Variants in EPHA4 observed in about 807,000 individuals in gnomAD.
EPHA4 encodes the protein EPH receptor A4.
A neutral mutation model predicts 108.3 loss-of-function variants in EPHA4; 19 were observed. The observed-to-expected ratio is 0.18, with a 90% CI of 0.12 to 0.26. EPHA4 has a LOEUF of 0.26. Among genes scored for constraint, EPHA4 ranks in the 10% least tolerant of loss-of-function variants. The pLI is 1.00. For missense variants in EPHA4, 917 were observed against 1,254.0 expected, an observed-to-expected ratio of 0.73 and a Z score of 4.06; for synonymous variants, 449 against 455.5, an observed-to-expected ratio of 0.99 and a Z score of 0.18.
chr2:221,568,602 C>A, intron 2 of EPHA4, 116 bp downstream of exon 2: 1 of 720,804 alleles, frequency 1.4e-6, no homozygotes. Flanking sequence ...TCATAGGCCA[C>A]AGCGGAAATC....
chr2:221,435,478 C>T (rs538518046), intron 13 of EPHA4, among the ~76,000 whole-genome samples: 15 of 152,126 alleles, frequency 9.9e-5, no homozygotes, highest in Admixed American at 7.2e-4. Flanking sequence ...CCCCCCTGCC[C>T]CCCTCCAAAA....
At position 221,443,587 on chromosome 2, in the gene EPHA4, G is replaced by A. The variant is rs1690498336; in HGVS notation, c.1794C>T (p.Asp598=). The change falls in exon 10 of 18, where the codon GAC becomes GAT. Residue 598 remains aspartate, a synonymous_variant. Coordinates refer to ENST00000281821, the MANE Select transcript of EPHA4 (RefSeq NM_004438.5). ...GGTTGGGATCTTCGTACGTAAAGGG[G>A]TCCACATATGTTCTTACACCTGAGT... ...HLNQGVRTYV[D]PFTYEDPNQA... The A allele has an allele frequency of 1.9e-6, 3 of 1,613,686 alleles. No individual in the cohort carries two copies. The highest frequency in any genetic ancestry group is 1.7e-6 in the Non-Finnish European group (2 of 1,179,826).
chr2:221,449,701 C>A (rs2106111911), intron 8 of EPHA4, among the ~76,000 whole-genome samples: 1 of 151,956 alleles, frequency 6.6e-6, no homozygotes, highest in South Asian at 2.1e-4. Flanking sequence ...ATATAACAAA[C>A]AAAATAGAGA....
chr2:221,551,765 T>G (rs1694167866), intron 3 of EPHA4, among the ~76,000 whole-genome samples: 7 of 152,124 alleles, frequency 4.6e-5, no homozygotes, highest in Admixed American at 3.3e-4. Flanking sequence ...CATTCAGTGG[T>G]TGATTCCAAA....
At chr2:221,543,789 A>C (rs1472391866) in intron 3 of EPHA4, among the ~76,000 whole-genome samples, 1 of 152,258 alleles carries the variant, frequency 6.6e-6, no homozygotes, top group Non-Finnish European at 1.5e-5. Context: ...AGTGACTTCT[A>C]CAAGATTCAC....
intron 3 of EPHA4, among the ~76,000 whole-genome samples, chr2:221,512,501 T>A (rs1341671752): frequency 6.6e-6 from 1 of 152,172 alleles, no homozygotes; most frequent in Non-Finnish European, 1.5e-5. Context: ...TCACAGAGGA[T>A]CAAGCTTTTT....
chr2:221,449,381 A>G (rs1461181749), intron 8 of EPHA4, among the ~76,000 whole-genome samples: 1 of 152,228 alleles, frequency 6.6e-6, no homozygotes, highest in Non-Finnish European at 1.5e-5. Context: ...CTGACATCTC[A>G]GGCTGATCAC....
intron 8 of EPHA4, among the ~76,000 whole-genome samples, chr2:221,455,238 C>T (rs184328406): frequency 8.5e-5 from 13 of 152,252 alleles, no homozygotes; most frequent in Admixed American, 6.5e-4. Context: ...GGCAGTGAGT[C>T]CAGGCTTAAG....
chr2:221,555,334 C>A (rs1018524380), intron 3 of EPHA4, among the ~76,000 whole-genome samples: 1 of 152,154 alleles, frequency 6.6e-6, no homozygotes, highest in Non-Finnish European at 1.5e-5. Context: ...CCAAAGGAAG[C>A]CCTCATTGCC....
rs1441689303 is a variant in EPHA4 at position 221,442,775 on chromosome 2, T to C, written c.2074+54A>G. The C allele has an allele frequency of 3.6e-5, 57 of 1,581,902 alleles. No homozygotes were observed. The South Asian group carries it at 6.1e-4, about 17-fold the overall frequency. ...CATTTCCCTGGAAAGAAAATGTGTG[T>C]TTAATTTCCCAGTAACTTCTAGCTT... On this transcript the variant is annotated intron_variant, in intron 11 of 17. Transcript: ENST00000281821.
In EPHA4 at chr2:221,501,163, A is replaced by G; in HGVS notation, c.833T>C (p.Ile278Thr). The G allele has an allele frequency of 6.3e-7, 1 of 1,599,082 alleles. No homozygotes were observed. Among genetic ancestry groups the G allele is most frequent in the Non-Finnish European group, 8.5e-7 (1 of 1,173,884 alleles). The change falls in exon 4 of 18, where the codon ATT becomes ACT. Residue 278 changes from isoleucine (I) to threonine (T), a missense_variant. This residue lies in a region of EPHA4 where 758 missense variants were observed against 1,076.7 expected (regional missense o/e 0.70). Transcript: ENST00000281821. ...ERSGECQACKIGYYKALSTDA... is the reference protein window; with the variant it reads ...ERSGECQACKTGYYKALSTDA... Reference sequence around the variant, plus strand: ...CGTGGAGAGAGCCTTGTAATATCCAATTTTGCAAGCTGCAGGGAAGAAGAA... The same window carrying G: ...CGTGGAGAGAGCCTTGTAATATCCAGTTTTGCAAGCTGCAGGGAAGAAGAA...
Position 221,419,616 on chromosome 2 carries a change from T to C in EPHA4, c.*1756A>G, listed in dbSNP as rs1035746010. 3.9e-5 allele frequency: 6 copies of C among 152,600 alleles called. No homozygotes were observed. Among genetic ancestry groups the C allele is most frequent in the Non-Finnish European group, 1.5e-5 (1 of 68,036 alleles). The allele number at this position is 152,600 out of a possible 1,614,324, so 9.5% of individuals were successfully genotyped here. On this transcript the variant is annotated 3_prime_UTR_variant, in exon 18 of 18. Transcript: ENST00000281821. ...ATTCAGATGAGTTCAATCAGAAAAT[T>C]TGTAATTTTGATGATGGGTTGTCAC...
rs145692681 is a variant in EPHA4, at chr2:221,563,735, G to A, written c.819C>T (p.Cys273=). ...CTGCAATATGGACCCTCTTACCTTG[G>A]CATTCTCCGCTCCGCTCCTCATGCC... is the stretch of plus-strand genomic sequence containing the variant. ...NAGHEERSGE[C]QACKIGYYKA... is the part of the protein sequence containing the mutation. The change falls in exon 3 of 18, where the codon TGC becomes TGT. Residue 273 remains cysteine, a synonymous_variant. Coordinates refer to ENST00000281821, the MANE Select transcript of EPHA4 (RefSeq NM_004438.5). 318 of 1,613,604 alleles carry A rather than the reference G, an allele frequency of 2.0e-4. No individual in the cohort carries two copies. The African/African-American group carries it at 3.8e-3, about 19-fold the overall frequency.
rs543027496 is a variant in EPHA4, at chr2:221,512,712, A to T, written c.824-11540T>A. Among the ~76,000 whole-genome samples the T allele has an allele frequency of 3.3e-5, 5 of 152,284 alleles. No individual in the cohort carries two copies. The South Asian group carries it at 8.3e-4, about 25-fold the overall frequency. ...TGCAGATTAGCGTCATTATGTAGAA[A>T]TTTCATCCCTTATTAGGTATGTGCA... On this transcript the variant is annotated intron_variant, in intron 3 of 17. Transcript: ENST00000281821.
chr2:221,569,170 C>T (rs1694755799), intron 1 of EPHA4, among the ~76,000 whole-genome samples: 1 of 151,934 alleles, frequency 6.6e-6, no homozygotes, highest in South Asian at 2.1e-4. Flanking sequence ...TTTGTTTTTG[C>T]AAGTTTCAGA....
chr2:221,491,014 T>G (rs771934983), intron 4 of EPHA4, among the ~76,000 whole-genome samples: 3 of 152,232 alleles, frequency 2.0e-5, no homozygotes, highest in African/African-American at 7.2e-5. Context: ...ATCAATCACT[T>G]GCTGCTGTCA....
At chr2:221,426,376 A>C in intron 16 of EPHA4, 88 bp downstream of exon 16, 1 of 1,453,750 alleles carries the variant, frequency 6.9e-7, no homozygotes, top group Non-Finnish European at 9.2e-7. Context: ...TTTTTAAATG[A>C]GTAGGATGAT....
chr2:221,533,653 G>C (rs1693584291), intron 3 of EPHA4, among the ~76,000 whole-genome samples: 1 of 150,288 alleles, frequency 6.7e-6, no homozygotes, highest in Admixed American at 6.7e-5. Context: ...GATGGTACCG[G>C]GGGCTGTGCC....
rs190440759 is a variant in EPHA4, at chr2:221,455,438, G to A, written c.1715+109C>T. ...CAAGGAGGAAACTTGGGATGCAGAT[G>A]CCAAGTTTATGACGCAATCAAAAGC... On this transcript the variant is annotated intron_variant, in intron 8 of 17. Coordinates refer to ENST00000281821, the MANE Select transcript of EPHA4 (RefSeq NM_004438.5). The A allele has an allele frequency of 6.1e-6, 5 of 814,242 alleles. No individual in the cohort carries two copies. In the Admixed American group the frequency reaches 1.1e-4, roughly 19 times the overall value. 50.4% of individuals were successfully genotyped at this position (814,242 alleles called of 1,614,324 possible).
Sources: gnomAD v4.1 joint callset for allele counts (sites outside exome capture counted in the v4.1 genomes callset) on GRCh38, gnomAD v4.1.1 for gene constraint, gnomAD v4.1.1 regional missense constraint, MANE v1.5 for transcripts, NCBI Gene and HGNC (gene_info 2026-07-23, HGNC 2026-07-21) for gene names.